SNX9: variants seen among roughly 807,000 people sequenced by gnomAD.
The protein encoded by SNX9 is sorting nexin-9.
A neutral mutation model predicts 89.4 loss-of-function variants in SNX9; 44 were observed. That is an observed-to-expected ratio of 0.49 (90% CI 0.39 to 0.63). The LOEUF (loss-of-function observed/expected upper bound fraction) is 0.63. SNX9 is among the 30% of genes least tolerant of loss of function. SNX9 has a pLI of 0.00. For missense variants in SNX9, 578 were observed against 736.1 expected, an observed-to-expected ratio of 0.79 and a Z score of 2.49; for synonymous variants, 236 against 247.8, an observed-to-expected ratio of 0.95 and a Z score of 0.45.
chr6:157,928,417 A>G (rs556824810), intron 11 of SNX9, among the ~76,000 whole-genome samples, 182 bp from the exon 12 acceptor site: 2 of 152,384 alleles, frequency 1.3e-5, no homozygotes, highest in South Asian at 2.1e-4. Flanking sequence ...TAAAATATAA[A>G]TCAGCGCTTT....
chr6:157,907,931 C>G (rs1257969686), intron 7 of SNX9, among the ~76,000 whole-genome samples: 1 of 152,248 alleles, frequency 6.6e-6, no homozygotes, highest in Non-Finnish European at 1.5e-5. Context: ...CAGCTTTCAG[C>G]TAGTTTCTTG....
rs528405024 is a variant in SNX9 at position 157,935,534 on chromosome 6, A to G, written c.1367-430A>G. ...ACGAAAAGAAAGGTGCAGGGAAAAA[A>G]GGGGCCGAGGGAGAAGAATCCACAG... On this transcript the variant is annotated intron_variant, in intron 13 of 17. Coordinates refer to ENST00000392185, the MANE Select transcript of SNX9 (RefSeq NM_016224.5). 1.2e-4 allele frequency among the ~76,000 whole-genome samples: 18 copies of G among 152,340 alleles called. 1 individual carries two copies. Among genetic ancestry groups the G allele is most frequent in the African/African-American group, 4.1e-4 (17 of 41,578 alleles).
In SNX9 at chr6:157,922,433, G is replaced by T. The variant is rs191498973; in HGVS notation, c.1080+772G>T. Among the ~76,000 whole-genome samples the T allele has an allele frequency of 1.1e-4, 16 of 152,168 alleles. No individual in the cohort carries two copies. In the East Asian group the frequency reaches 2.7e-3, roughly 26 times the overall value. On this transcript the variant is annotated intron_variant, in intron 10 of 17. Transcript: ENST00000392185. ...AGATGCTAAATACATTATCAGCCTGGGAAATAAATTATGAAGCTATTTTTG... is the reference window on the plus strand; with the variant it reads ...AGATGCTAAATACATTATCAGCCTGTGAAATAAATTATGAAGCTATTTTTG...
intron 13 of SNX9, among the ~76,000 whole-genome samples, chr6:157,932,577 C>A (rs1783833676): frequency 6.6e-6 from 1 of 152,004 alleles, no homozygotes; most frequent in Non-Finnish European, 1.5e-5. Flanking sequence ...TGACAGAGGC[C>A]AGATTTGGCT....
rs1277683988 is a variant in SNX9, at chr6:157,904,366, G to A, written c.621-1762G>A. 3.3e-5 allele frequency among the ~76,000 whole-genome samples: 5 copies of A among 152,174 alleles called. No homozygotes were observed. The East Asian group carries it at 5.8e-4, about 18-fold the overall frequency. On this transcript the variant is annotated intron_variant, in intron 6 of 17. Coordinates refer to ENST00000392185, the MANE Select transcript of SNX9 (RefSeq NM_016224.5). ...GGAGAATCGCTTGAACCCGGGAGAC[G>A]GAGGTTGCAGTGAGCCGAGATGGCA... is the stretch of plus-strand genomic sequence containing the variant.
intron 1 of SNX9, among the ~76,000 whole-genome samples, chr6:157,861,395 T>C (rs996452877): frequency 6.6e-6 from 1 of 152,184 alleles, no homozygotes; most frequent in Non-Finnish European, 1.5e-5. Flanking sequence ...TGCCATAGTT[T>C]AACAGTTTGA....
rs761592456 is a variant in SNX9, at chr6:157,927,718, C to CTTTT, written c.1184+527_1184+530dup. On this transcript the variant is annotated intron_variant, in intron 11 of 17. Coordinates refer to ENST00000392185, the MANE Select transcript of SNX9 (RefSeq NM_016224.5). ...AATTTGCGTGGTTTTTAATTTTAAG[C>CTTTT]TTTTTTTTTTTTTTTTTTTTTTTTT... Among the ~76,000 whole-genome samples the CTTTT allele has an allele frequency of 5.6e-4, 55 of 98,762 alleles. 3 individuals carry two copies. The highest frequency in any genetic ancestry group is 1.8e-3 in the African/African-American group (40 of 22,658). The allele number at this position is 98,762 out of a possible 152,430, so 64.8% of individuals were successfully genotyped here.
At chr6:157,860,268 G>A (rs979131268) in intron 1 of SNX9, among the ~76,000 whole-genome samples, 7 of 152,188 alleles carry the variant, frequency 4.6e-5, no homozygotes, top group African/African-American at 1.4e-4. Context: ...TTAGCCAGGA[G>A]TGGTGGCATG....
intron 4 of SNX9, among the ~76,000 whole-genome samples, chr6:157,885,594 A>T (rs1393525908): frequency 6.6e-6 from 1 of 152,212 alleles, no homozygotes; most frequent in Non-Finnish European, 1.5e-5. Context: ...TTCCTAACAC[A>T]GTTGCACGTG....
At chr6:157,825,362 T>C (rs1046199510) in intron 1 of SNX9, among the ~76,000 whole-genome samples, 2 of 152,354 alleles carry the variant, frequency 1.3e-5, no homozygotes, top group Admixed American at 1.3e-4. Flanking sequence ...GCATGTTATC[T>C]GTACTGTCCT....
At position 157,823,873 on chromosome 6, in the gene SNX9, C is replaced by A. The variant is rs1227559937; in HGVS notation, c.12+427C>A. ...TCCCCTCCCGCTGCCGCCTGGGGGA[C>A]CCTCGCCCCCGCGGGGCGGGTGGGG... On this transcript the variant is annotated intron_variant, in intron 1 of 17. Transcript: ENST00000392185. This position sits in a 1 kb window ranked among gnomAD's most constrained non-coding sequence, Gnocchi z 4.6. Among the ~76,000 whole-genome samples, 1 of 151,960 alleles carries A rather than the reference C, an allele frequency of 6.6e-6. No individual in the cohort carries two copies. The highest frequency in any genetic ancestry group is 2.4e-5 in the African/African-American group (1 of 41,416).
At chr6:157,894,149 G>A (rs1270301313) in intron 4 of SNX9, among the ~76,000 whole-genome samples, 6 of 119,378 alleles carry the variant, frequency 5.0e-5, no homozygotes, top group Non-Finnish European at 9.7e-5. Context: ...TCTCTGTGTC[G>A]CCCAGTCTGG....
At chr6:157,854,227 G>A (rs983176307) in intron 1 of SNX9, among the ~76,000 whole-genome samples, 1 of 152,216 alleles carries the variant, frequency 6.6e-6, no homozygotes, top group Non-Finnish European at 1.5e-5. Flanking sequence ...TGAGCATGCA[G>A]TTTTACAATT....
At chr6:157,899,391 A>T (rs577452850) in intron 5 of SNX9, among the ~76,000 whole-genome samples, 1 of 152,214 alleles carries the variant, frequency 6.6e-6, no homozygotes, top group Non-Finnish European at 1.5e-5. Flanking sequence ...GACTAGATTT[A>T]TCAGTGTCTA....
At chr6:157,928,111 C>T (rs573860648) in intron 11 of SNX9, among the ~76,000 whole-genome samples, 3 of 152,150 alleles carry the variant, frequency 2.0e-5, no homozygotes, top group Non-Finnish European at 4.4e-5. Context: ...TTTCATCTAA[C>T]AGTATATTGT....
chr6:157,925,849 A>G (rs1748980895), intron 10 of SNX9, among the ~76,000 whole-genome samples: 1 of 151,952 alleles, frequency 6.6e-6, no homozygotes, highest in Non-Finnish European at 1.5e-5. Context: ...TAATTTATAT[A>G]CAACAGAAAT....
At chr6:157,902,541 C>G (rs922889310) in intron 6 of SNX9, among the ~76,000 whole-genome samples, 14 of 152,248 alleles carry the variant, frequency 9.2e-5, no homozygotes, top group African/African-American at 3.4e-4. Context: ...ATCGAGTGTT[C>G]CAGTCAGGAA....
rs142646982 is a variant in SNX9, at chr6:157,862,500, T to G, written c.13-5047T>G. Among the ~76,000 whole-genome samples the G allele has an allele frequency of 2.6e-5, 4 of 152,334 alleles. No homozygotes were observed. The East Asian group carries it at 7.7e-4, about 29-fold the overall frequency. On this transcript the variant is annotated intron_variant, in intron 1 of 17. Transcript: ENST00000392185. ...CTGGAATTTCTGAAGATTTACATAT[T>G]TTATTTTTTAATTGTACTTTTCTGT...
chr6:157,907,300 AAGAC>A (rs1783236536), intron 7 of SNX9, among the ~76,000 whole-genome samples: 1 of 143,706 alleles, frequency 7.0e-6, no homozygotes, highest in East Asian at 2.0e-4. Context: ...GTTTGTTTTT[AAGAC>A]AGAGTCTCAC....
Sources: allele counts gnomAD v4.1 joint callset (sites outside exome capture counted in the v4.1 genomes callset), GRCh38; gene constraint gnomAD v4.1.1; non-coding constraint Gnocchi (gnomAD v3.1); transcripts MANE v1.5; gene names NCBI Gene and HGNC (gene_info 2026-07-23, HGNC 2026-07-21).